Variants in EIF3B observed in about 807,000 individuals in gnomAD.
EIF3B encodes eukaryotic translation initiation factor 3 subunit 9.
A neutral mutation model predicts 104.6 loss-of-function variants in EIF3B; 10 were observed. The ratio of observed to expected loss-of-function variants is 0.10; its 90% CI spans 0.06 to 0.16. The LOEUF is 0.16. Among genes scored for constraint, EIF3B ranks in the 10% least tolerant of loss-of-function variants. The pLI is 1.00. For missense variants in EIF3B, 1,014 were observed against 1,087.9 expected, an observed-to-expected ratio of 0.93 and a Z score of 0.96; for synonymous variants, 542 against 417.2, an observed-to-expected ratio of 1.30 and a Z score of -3.65.
In EIF3B at chr7:2,355,424, A is replaced by T. The variant is rs1427854408; in HGVS notation, c.499+4A>T. ...GTGGACGACGTGAGCGAGGAAGGTG[A>T]GGGCGCCCGGGGCGGGGCTGGCGAG... On this transcript the variant is annotated splice_donor_region_variant and intron_variant, in intron 1 of 18. Coordinates refer to ENST00000360876, the MANE Select transcript of EIF3B (RefSeq NM_001037283.2). 2 of 1,440,318 alleles carry T rather than the reference A, an allele frequency of 1.4e-6. No homozygotes were observed. The highest frequency in any genetic ancestry group is 1.8e-6 in the Non-Finnish European group (2 of 1,095,940). The allele number at this position is 1,440,318 out of a possible 1,614,324, so 89.2% of individuals were successfully genotyped here.
chr7:2,375,077 A>G, intron 13 of EIF3B: 1 of 414,322 alleles, frequency 2.4e-6, no homozygotes, highest in Non-Finnish European at 4.4e-6. Flanking sequence ...AGTTAAAAGA[A>G]TACCCTTTTG....
chr7:2,379,549 G>A lies in EIF3B; in HGVS notation c.*14+38G>A, dbSNP rs1368918494. Reference sequence around the variant, plus strand: ...AGGGGGCGCGATGGGGGTCCTGTTGGCTGCTCATGCTGCTTCAGTTATCCC... The same window carrying A: ...AGGGGGCGCGATGGGGGTCCTGTTGACTGCTCATGCTGCTTCAGTTATCCC... On this transcript the variant is annotated intron_variant, in intron 18 of 18. Coordinates refer to ENST00000360876, the MANE Select transcript of EIF3B (RefSeq NM_001037283.2). 11 of 1,248,818 alleles carry A rather than the reference G, an allele frequency of 8.8e-6. No homozygotes were observed. In the East Asian group the frequency reaches 1.3e-4, roughly 14 times the overall value. The allele number at this position is 1,248,818 out of a possible 1,614,324, so 77.4% of individuals were successfully genotyped here. A position where few individuals can be genotyped will look rare whatever the true frequency, so the allele number is the denominator to read the frequency against.
intron 17 of EIF3B, 27 bp downstream of exon 17, chr7:2,379,269 G>C: frequency 6.3e-7 from 1 of 1,599,390 alleles, no homozygotes; most frequent in Non-Finnish European, 8.5e-7. Flanking sequence ...TCAGTCCCCA[G>C]GAGCTGGCCC....
At position 2,369,481 on chromosome 7, in the gene EIF3B, T is replaced by C. The variant is rs201839393; in HGVS notation, c.1413T>C (p.Ser471=). Residue 471 remains serine (S), a synonymous_variant, in exon 10 of 19, where the codon TCT becomes TCC. Transcript: ENST00000360876. ...TTTTCCTGTTCTGCAGAGACTTTTC[T>C]TGGTCTCCTGGTGGTAACATAATCG... ...SLKISGIKDF[S]WSPGGNIIAF... The C allele has an allele frequency of 2.0e-5, 33 of 1,614,154 alleles. No homozygotes were observed. Among genetic ancestry groups the C allele is most frequent in the Non-Finnish European group, 2.4e-5 (28 of 1,180,056 alleles).
At chr7:2,369,716 T>C (rs763373962) in intron 10 of EIF3B, 34 bp downstream of exon 10, 3 of 1,598,262 alleles carry the variant, frequency 1.9e-6, no homozygotes, top group Non-Finnish European at 2.6e-6. Flanking sequence ...GACGATTCCT[T>C]ATCCTGAGCT....
chr7:2,357,270 G>A (rs1025233328), intron 1 of EIF3B, among the ~76,000 whole-genome samples: 1 of 152,148 alleles, frequency 6.6e-6, no homozygotes, highest in Non-Finnish European at 1.5e-5. Context: ...GGTCCTCAGC[G>A]GGCCCACGTG....
chr7:2,367,976 G>A (rs897527059), intron 9 of EIF3B, among the ~76,000 whole-genome samples: 2 of 151,512 alleles, frequency 1.3e-5, no homozygotes, highest in Non-Finnish European at 2.9e-5. Flanking sequence ...CCAAGTAGCT[G>A]GGACTGCAGG....
chr7:2,360,911 TCTC>T lies in EIF3B; in HGVS notation c.692+12_692+14del, dbSNP rs1231408869. 9.4e-6 allele frequency: 15 copies of T among 1,599,012 alleles called. No individual in the cohort carries two copies. The highest frequency in any genetic ancestry group is 2.2e-5 in the South Asian group (2 of 90,580). ...GATGGGAAGACAAAAGGGTGAGTGT[TCTC>T]CTGTTGGAGAAGTATCATCTGTGTC... On this transcript the variant is annotated intron_variant, in intron 2 of 18. Transcript: ENST00000360876.
Position 2,354,901 on chromosome 7 carries a change from C to T in EIF3B, c.-21C>T, listed in dbSNP as rs546597150. On this transcript the variant is annotated 5_prime_UTR_variant, in exon 1 of 19. Transcript: ENST00000360876. ...GAAGCGCGGCGGCCGCGGAGCCCTG[C>T]GAGTAGGCAGCGTTGGGCCCATGCA... The T allele has an allele frequency of 8.5e-6, 10 of 1,177,526 alleles. No individual in the cohort carries two copies. Among genetic ancestry groups the T allele is most frequent in the East Asian group, 8.6e-5 (2 of 23,294 alleles). 72.9% of individuals were successfully genotyped at this position (1,177,526 alleles called of 1,614,324 possible).
In EIF3B at chr7:2,380,357, C is replaced by T. The variant is rs1261224670; in HGVS notation, c.*168C>T. The T allele has an allele frequency of 7.7e-6, 4 of 518,868 alleles. No individual in the cohort carries two copies. Among genetic ancestry groups the T allele is most frequent in the South Asian group, 5.6e-5 (4 of 71,548 alleles). The allele number at this position is 518,868 out of a possible 1,614,324, so 32.1% of individuals were successfully genotyped here. On this transcript the variant is annotated 3_prime_UTR_variant, in exon 19 of 19. Transcript: ENST00000360876. Reference sequence around the variant, plus strand: ...CCCGCCTCCTCCCTGTGCTCTCTGGCTCTGGACTGTGACTGCGCCTGGATT... The same window carrying T: ...CCCGCCTCCTCCCTGTGCTCTCTGGTTCTGGACTGTGACTGCGCCTGGATT...
chr7:2,372,598 T>C, intron 11 of EIF3B, 75 bp from the exon 12 acceptor site: 1 of 1,533,758 alleles, frequency 6.5e-7, no homozygotes, highest in South Asian at 1.2e-5. Flanking sequence ...GGTTGAATAG[T>C]GAACATTTTA....
At chr7:2,360,484 T>C (rs1344447156) in intron 1 of EIF3B, among the ~76,000 whole-genome samples, 1 of 152,228 alleles carries the variant, frequency 6.6e-6, no homozygotes, top group East Asian at 1.9e-4. Context: ...TTAATTGACC[T>C]GTCTTGACTG....
chr7:2,374,466 T>C (rs760246818), intron 12 of EIF3B, 62 bp from the exon 13 acceptor site: 17 of 1,553,234 alleles, frequency 1.1e-5, no homozygotes, highest in Non-Finnish European at 1.3e-5. Context: ...TCCTCCAGCC[T>C]TGGCTGCCCC....
At chr7:2,365,680 G>GTT (rs368207304) in intron 6 of EIF3B, among the ~76,000 whole-genome samples, 1 of 98,132 alleles carries the variant, frequency 1.0e-5, no homozygotes, top group African/African-American at 6.0e-5. Flanking sequence ...TGTTTGTTTT[G>GTT]TTTTTTTTTT....
At chr7:2,363,202 C>T (rs1779832901) in intron 4 of EIF3B, 75 bp downstream of exon 4, 3 of 1,454,220 alleles carry the variant, frequency 2.1e-6, no homozygotes, top group African/African-American at 1.4e-5. Context: ...CCTGCAATCC[C>T]AGCACTTAGG....
At position 2,369,561 on chromosome 7, in the gene EIF3B, T is replaced by C; in HGVS notation, c.1493T>C (p.Leu498Pro). Residue 498 changes from leucine to proline, a missense_variant, in exon 10 of 19, where the codon CTC (leucine) becomes CCC (proline). This residue lies in a region of EIF3B where 59 missense variants were observed against 118.8 expected (regional missense o/e 0.50). Coordinates refer to ENST00000360876, the MANE Select transcript of EIF3B (RefSeq NM_001037283.2). ...DIPARVTLMQ[L>P]PTRQEIRVRN... ...CCAGCCAGGGTAACCCTGATGCAGCTCCCTACCAGGCAAGAGATCCGAGTG... is the reference window on the plus strand; with the variant it reads ...CCAGCCAGGGTAACCCTGATGCAGCCCCCTACCAGGCAAGAGATCCGAGTG... 6.2e-7 allele frequency: 1 copy of C among 1,614,102 alleles called. No homozygotes were observed. Among genetic ancestry groups the C allele is most frequent in the Non-Finnish European group, 8.5e-7 (1 of 1,180,030 alleles).
At chr7:2,369,763 GGATT>G in intron 10 of EIF3B, 81 bp downstream of exon 10, 1 of 632,186 alleles carries the variant, frequency 1.6e-6, no homozygotes, top group Non-Finnish European at 2.5e-6. Context: ...GGGTGTTAAT[GGATT>G]TTTTTTTTTT....
intron 2 of EIF3B, among the ~76,000 whole-genome samples, chr7:2,361,746 G>T (rs1779741098): frequency 6.6e-6 from 1 of 151,844 alleles, no homozygotes; most frequent in African/African-American, 2.4e-5. Context: ...AATCTTGCCT[G>T]TAATACACAA....
chr7:2,379,667 A>C (rs886083605), intron 18 of EIF3B, 156 bp downstream of exon 18: 8 of 621,692 alleles, frequency 1.3e-5, no homozygotes, highest in African/African-American at 5.5e-5. Flanking sequence ...TGTGAAATGT[A>C]GAGTCGGTGC....
Sources: allele counts gnomAD v4.1 joint callset (sites outside exome capture counted in the v4.1 genomes callset), GRCh38; gene constraint gnomAD v4.1.1; regional missense constraint gnomAD v4.1.1; transcripts MANE v1.5; gene names NCBI Gene and HGNC (gene_info 2026-07-23, HGNC 2026-07-21).